Variants in TASOR2 observed in about 807,000 individuals in gnomAD.
The protein encoded by TASOR2 is transcription activation suppressor family member 2.
A neutral mutation model predicts 199.5 loss-of-function variants in TASOR2; 84 were observed. That is an observed-to-expected ratio of 0.42 (90% CI 0.35 to 0.50). The LOEUF is 0.50. Ranked by LOEUF, TASOR2 falls within the 20% of genes least tolerant of loss-of-function variation. TASOR2 has a pLI of 0.02. For missense variants in TASOR2, 2,796 were observed against 2,835.9 expected (o/e 0.99, Z 0.32); for synonymous variants, 1,103 against 1,046.6 (o/e 1.05, Z -1.04).
At chr10:5,695,346 A>G (rs1837020368) in intron 1 of TASOR2, among the ~76,000 whole-genome samples, 1 of 152,208 alleles carries the variant, frequency 6.6e-6, no homozygotes, top group African/African-American at 2.4e-5. Context: ...CTTTGAGATA[A>G]TATCATTGAA....
chr10:5,707,774 A>T (rs955899861), intron 1 of TASOR2, among the ~76,000 whole-genome samples: 2 of 130,192 alleles, frequency 1.5e-5, no homozygotes, highest in Non-Finnish European at 1.6e-5. Flanking sequence ...ACACACACAC[A>T]CTTCTTCTGA....
chr10:5,759,113 AG>A, intron 18 of TASOR2, 121 bp downstream of exon 19: 1 of 671,390 alleles, frequency 1.5e-6, no homozygotes, highest in Non-Finnish European at 2.6e-6. Context: ...AAAGAGCATG[AG>A]GGCTGCTGGC....
rs1350356113 is a variant in TASOR2, at chr10:5,751,740, C to G, written c.6606+1713C>G. ...ACCATCTAGGCACTGCGTGAATGAA[C>G]TCAGTGTCACTTGGTGTCTTTGCTT... On this transcript the variant is annotated intron_variant, in intron 15 of 20. Coordinates refer to ENST00000328090, the Ensembl canonical transcript of TASOR2. This position sits in a 1 kb window ranked among gnomAD's most constrained non-coding sequence, Gnocchi z 5.3. Among the ~76,000 whole-genome samples the G allele has an allele frequency of 6.6e-6, 1 of 152,246 alleles. No homozygotes were observed. Among genetic ancestry groups the G allele is most frequent in the Non-Finnish European group, 1.5e-5 (1 of 68,046 alleles).
In TASOR2 at chr10:5,685,399, C is replaced by T. The variant is rs1257029125; in HGVS notation, c.-288+224C>T. Among the ~76,000 whole-genome samples the T allele has an allele frequency of 6.6e-6, 1 of 152,010 alleles. No homozygotes were observed. Among genetic ancestry groups the T allele is most frequent in the Non-Finnish European group, 1.5e-5 (1 of 67,980 alleles). ...CTGTGGCCGCGCTCGGTGTCGCCGGCAGGGAGATCCTAACCGTGTCATCTT... is the reference window on the plus strand; with the variant it reads ...CTGTGGCCGCGCTCGGTGTCGCCGGTAGGGAGATCCTAACCGTGTCATCTT... On this transcript the variant is annotated intron_variant, in intron 1 of 20. Transcript: ENST00000328090. The surrounding 1 kb of genome is among the most constrained non-coding windows in gnomAD (Gnocchi z 5.4).
chr10:5,710,427 A>G lies in TASOR2; in HGVS notation c.-287-2396A>G, dbSNP rs928996824. Among the ~76,000 whole-genome samples, 3 of 152,172 alleles carry G rather than the reference A, an allele frequency of 2.0e-5. No individual in the cohort carries two copies. Among genetic ancestry groups the G allele is most frequent in the African/African-American group, 7.2e-5 (3 of 41,458 alleles). On this transcript the variant is annotated intron_variant, in intron 1 of 20. Coordinates refer to ENST00000328090, the Ensembl canonical transcript of TASOR2. The surrounding 1 kb of genome is among the most constrained non-coding windows in gnomAD (Gnocchi z 4.6). ...AATAAATAGTTCTGGAAATAAAAAT[A>G]TATATAAGCAAAAAATAATTTGGTA... is the stretch of plus-strand genomic sequence containing the variant.
In TASOR2 at chr10:5,749,535, C is replaced by T. The variant is rs61729837; in HGVS notation, c.6114C>T (p.Pro2038=). 2.5e-3 allele frequency: 4,069 copies of T among 1,614,084 alleles called. 87 individuals are homozygous for T. The African/African-American group carries it at 0.049, about 20-fold the overall frequency. Residue 2038 remains proline (P), a synonymous_variant, in exon 15 of 21, where the codon CCC becomes CCT. Coordinates refer to ENST00000328090, the Ensembl canonical transcript of TASOR2. ...ATCCTGCACCTAGGAGCAGAAGCCC[C>T]CTTCTGGTAACAGTTGTGGAGTCAG...
At chr10:5,693,939 C>T (rs930742470) in intron 1 of TASOR2, among the ~76,000 whole-genome samples, 8 of 152,074 alleles carry the variant, frequency 5.3e-5, no homozygotes, top group African/African-American at 1.9e-4. Context: ...TAGACCTCTC[C>T]CAACCCACCA....
Position 5,742,592 on chromosome 10 carries a change from A to C in TASOR2, c.2757+66A>C. 2.1e-6 allele frequency: 3 copies of C among 1,439,280 alleles called. No individual in the cohort carries two copies. In the East Asian group the frequency reaches 6.9e-5, roughly 33 times the overall value. 89.2% of individuals were successfully genotyped at this position (1,439,280 alleles called of 1,614,324 possible). On this transcript the variant is annotated intron_variant, in intron 14 of 20. Transcript: ENST00000328090. This position sits in a 1 kb window ranked among gnomAD's most constrained non-coding sequence, Gnocchi z 4.2. ...TGAAGAAAAAAATGTTTATATGTAA[A>C]ATCACATTCAAAACAAGGCATTTTT...
chr10:5,694,609 A>AT (rs1207012582), intron 1 of TASOR2, among the ~76,000 whole-genome samples: 3 of 152,208 alleles, frequency 2.0e-5, no homozygotes, highest in Non-Finnish European at 1.5e-5. Flanking sequence ...CTCCTGAATA[A>AT]TTTATGGTAG....
intron 1 of TASOR2, among the ~76,000 whole-genome samples, chr10:5,703,803 CTGA>C (rs1017697116): frequency 6.6e-5 from 10 of 151,960 alleles, no homozygotes; most frequent in African/African-American, 2.4e-4. Flanking sequence ...CGCCCGGCCT[CTGA>C]TGTTTTTATT....
rs774352931 is a variant in TASOR2, at chr10:5,748,345, G to T, written c.4924G>T (p.Asp1642Tyr). The T allele has an allele frequency of 2.5e-6, 4 of 1,614,248 alleles. No individual in the cohort carries two copies. The highest frequency in any genetic ancestry group is 3.4e-6 in the Non-Finnish European group (4 of 1,180,044). Residue 1642 changes from aspartate (D) to tyrosine (Y), a missense_variant, in exon 15 of 21, where the codon GAT becomes TAT. By Grantham distance (160) the Asp-to-Tyr change is radical. This residue lies in a region of TASOR2 where 1,941 missense variants were observed against 1,924.9 expected (regional missense o/e 1.01). Transcript: ENST00000328090. The surrounding 1 kb of genome is among the most constrained non-coding windows in gnomAD (Gnocchi z 5.1). ...GAAGTCCTTGACAGCTGCCTCGGTT[G>T]ATGGAGCTTATTCTACACAGGGATG... is the stretch of plus-strand genomic sequence containing the variant.
At position 5,740,536 on chromosome 10, in the gene TASOR2, T is replaced by C. The variant is rs200778342; in HGVS notation, c.2327+39T>C. The C allele has an allele frequency of 9.7e-5, 154 of 1,581,814 alleles. No homozygotes were observed. In the African/African-American group the frequency reaches 1.7e-3, roughly 18 times the overall value. ...AAACTTAGTGAAAATGGATGAAACT[T>C]TTCTGTTGAGATGAATGTAGTGAGA... On this transcript the variant is annotated intron_variant, in intron 13 of 20. Transcript: ENST00000328090. This position sits in a 1 kb window ranked among gnomAD's most constrained non-coding sequence, Gnocchi z 5.3.
At position 5,738,208 on chromosome 10, in the gene TASOR2, T is replaced by TAA. The variant is rs1236588166; in HGVS notation, c.1448-1410_1448-1409insAA. On this transcript the variant is annotated intron_variant, in intron 12 of 20. Transcript: ENST00000328090. This position sits in a 1 kb window ranked among gnomAD's most constrained non-coding sequence, Gnocchi z 4.7. ...TTTTTTTAATGTAGTTCCTTTGGCA[T>TAA]TGTCTTATGTATGTCTTAAATAGAA... is the stretch of plus-strand genomic sequence containing the variant. 6.6e-6 allele frequency among the ~76,000 whole-genome samples: 1 copy of TAA among 152,236 alleles called. No individual in the cohort carries two copies. The highest frequency in any genetic ancestry group is 2.4e-5 in the African/African-American group (1 of 41,460).
At chr10:5,724,261 T>A (rs1833746066) in intron 7 of TASOR2, among the ~76,000 whole-genome samples, 169 bp from the exon 9 acceptor site, 1 of 152,170 alleles carries the variant, frequency 6.6e-6, no homozygotes, top group South Asian at 2.1e-4. Context: ...AAATAACTAT[T>A]TTGGTGATGT....
chr10:5,723,883 G>A (rs1833697658), intron 7 of TASOR2, 106 bp downstream of exon 8: 3 of 614,032 alleles, frequency 4.9e-6, no homozygotes, highest in Admixed American at 7.6e-5. Flanking sequence ...CATCATAAGT[G>A]ACTCTTAAAA....
At chr10:5,688,589 C>T (rs1019515525) in intron 1 of TASOR2, among the ~76,000 whole-genome samples, 7 of 152,166 alleles carry the variant, frequency 4.6e-5, no homozygotes, top group African/African-American at 1.2e-4. Context: ...ACTTCTCATG[C>T]TCTGACATTA....
intron 16 of TASOR2, among the ~76,000 whole-genome samples, chr10:5,757,076 C>T (rs1472102833): frequency 6.6e-6 from 1 of 152,220 alleles, no homozygotes; most frequent in Non-Finnish European, 1.5e-5. Context: ...TATTTACCAG[C>T]TAGTTGAATC....
intron 11 of TASOR2, among the ~76,000 whole-genome samples, chr10:5,732,345 C>T (rs1052895757): frequency 6.6e-6 from 1 of 152,232 alleles, no homozygotes; most frequent in African/African-American, 2.4e-5. Context: ...GCTCTCATGC[C>T]GTGTTGGCAG....
intron 1 of TASOR2, chr10:5,692,811 C>T (rs1836615519): frequency 6.6e-6 from 1 of 152,248 alleles, no homozygotes; most frequent in Non-Finnish European, 1.5e-5. Context: ...CTCAGCACGC[C>T]CTGCGCGGAG....
Sources: gnomAD v4.1 joint callset for allele counts (sites outside exome capture counted in the v4.1 genomes callset) on GRCh38, gnomAD v4.1.1 for gene constraint, gnomAD v4.1.1 regional missense constraint, Gnocchi (gnomAD v3.1) non-coding constraint, MANE v1.5 for transcripts, NCBI Gene and HGNC (gene_info 2026-07-23, HGNC 2026-07-21) for gene names.